The following ADCY8 variants were observed in gnomAD, a reference collection of about 807,000 sequenced individuals.
The protein encoded by ADCY8 is adenylate cyclase 8, also known as adenylate cyclase type 8.
Under a neutral mutation model 119.7 loss-of-function variants are expected in ADCY8, and 51 were observed. The observed-to-expected ratio is 0.43, with a 90% CI of 0.34 to 0.54. The LOEUF (loss-of-function observed/expected upper bound fraction) is 0.54. Among genes scored for constraint, ADCY8 ranks in the 20% least tolerant of loss-of-function variants. ADCY8 has a pLI of 0.03. For missense variants in ADCY8, 1,383 were observed against 1,598.8 expected, an observed-to-expected ratio of 0.87 and a Z score of 2.30; for synonymous variants, 665 against 651.0, an observed-to-expected ratio of 1.02 and a Z score of -0.33.
At chr8:130,942,622 T>A (rs1009437194) in intron 4 of ADCY8, among the ~76,000 whole-genome samples, 1 of 152,138 alleles carries the variant, frequency 6.6e-6, no homozygotes. Flanking sequence ...CTCCCACCGA[T>A]GTGGTCTTAT....
intron 9 of ADCY8, among the ~76,000 whole-genome samples, chr8:130,855,765 G>A (rs994283813): frequency 2.7e-4 from 41 of 151,948 alleles, no homozygotes; most frequent in Admixed American, 2.6e-3. Flanking sequence ...TCAACTCTCT[G>A]CCCTAAATAT....
At chr8:130,921,668 G>A (rs1586573192) in intron 5 of ADCY8, among the ~76,000 whole-genome samples, 1 of 151,874 alleles carries the variant, frequency 6.6e-6, no homozygotes, top group Admixed American at 6.6e-5. Flanking sequence ...GGTCAGACTG[G>A]TCTCGAACTC....
intron 1 of ADCY8, among the ~76,000 whole-genome samples, chr8:130,993,384 C>A (rs1822663510): frequency 6.6e-6 from 1 of 152,090 alleles, no homozygotes; most frequent in Non-Finnish European, 1.5e-5. Context: ...CAATTTTCAG[C>A]AGTTTATATA....
At chr8:130,800,224 T>C (rs572504158) in intron 15 of ADCY8, among the ~76,000 whole-genome samples, 2 of 151,520 alleles carry the variant, frequency 1.3e-5, no homozygotes, top group Non-Finnish European at 1.5e-5. Flanking sequence ...ATATTCCTGA[T>C]CCCCCAAATA....
Position 131,039,881 on chromosome 8 carries a change from C to T in ADCY8, c.453G>A (p.Gly151=). ...FFLNGGYSYR[G]VIFPTLRNSF... is the part of the protein sequence containing the mutation. ...AGTTGCGCAGGGTGGGGAAAATGAC[C>T]CCTCGGTAGCTATAGCCCCCATTAA... Residue 151 remains glycine (G), a synonymous_variant, in exon 1 of 18, where the codon GGG becomes GGA. Coordinates refer to ENST00000286355, the MANE Select transcript of ADCY8 (RefSeq NM_001115.3). 1 of 1,613,988 alleles carries T rather than the reference C, an allele frequency of 6.2e-7. No homozygotes were observed.
intron 12 of ADCY8, among the ~76,000 whole-genome samples, chr8:130,831,150 AAATCTT>A (rs1244926778): frequency 1.3e-5 from 2 of 152,198 alleles, no homozygotes; most frequent in Admixed American, 6.5e-5. Context: ...TAATGAGAAA[AAATCTT>A]AAGGGTTGTG....
intron 2 of ADCY8, among the ~76,000 whole-genome samples, chr8:130,954,314 G>A (rs1393878683): frequency 6.6e-6 from 1 of 151,962 alleles, no homozygotes; most frequent in Non-Finnish European, 1.5e-5. Flanking sequence ...GAAGAAATGG[G>A]AACTGAAGAG....
chr8:130,923,441 G>A (rs983707410), intron 5 of ADCY8, among the ~76,000 whole-genome samples: 3 of 152,198 alleles, frequency 2.0e-5, no homozygotes. Context: ...CAAGGATTAA[G>A]ACCTTTACTC....
intron 3 of ADCY8, among the ~76,000 whole-genome samples, chr8:130,950,428 C>T (rs957672066): frequency 1.4e-4 from 21 of 151,532 alleles, no homozygotes; most frequent in African/African-American, 4.1e-4. Context: ...CAGTGGTGGC[C>T]GTGTCAGGGT....
At chr8:130,895,642 G>C (rs1819360675) in intron 7 of ADCY8, among the ~76,000 whole-genome samples, 1 of 152,110 alleles carries the variant, frequency 6.6e-6, no homozygotes, top group Non-Finnish European at 1.5e-5. Flanking sequence ...ACAGCCTGGG[G>C]AGTTTTATTG....
chr8:130,881,843 T>A (rs1317171243), intron 8 of ADCY8, among the ~76,000 whole-genome samples: 1 of 138,580 alleles, frequency 7.2e-6, no homozygotes, highest in Non-Finnish European at 1.6e-5. Context: ...TTAAATTCTC[T>A]GATAATTTTT....
chr8:130,802,297 C>T (rs998553104), intron 14 of ADCY8, among the ~76,000 whole-genome samples: 2 of 152,196 alleles, frequency 1.3e-5, no homozygotes, highest in African/African-American at 4.8e-5. Flanking sequence ...TCAAGTTCTG[C>T]TGGGCTTGTT....
intron 12 of ADCY8, among the ~76,000 whole-genome samples, chr8:130,830,288 T>C (rs993238996): frequency 6.6e-6 from 1 of 152,122 alleles, no homozygotes; most frequent in African/African-American, 2.4e-5. Context: ...TTCCCTTCTC[T>C]TTGTCAGCCA....
intron 9 of ADCY8, among the ~76,000 whole-genome samples, chr8:130,866,784 C>A (rs1412611714): frequency 6.6e-6 from 1 of 152,156 alleles, no homozygotes; most frequent in Non-Finnish European, 1.5e-5. Flanking sequence ...GATAAATCCT[C>A]ATCTACGAAT....
intron 1 of ADCY8, among the ~76,000 whole-genome samples, chr8:131,016,785 G>A (rs1297714596): frequency 2.6e-5 from 4 of 152,072 alleles, no homozygotes; most frequent in South Asian, 2.1e-4. Flanking sequence ...ACACTGGCTC[G>A]ACCCGGCATG....
chr8:130,886,118 C>A (rs1818972717), intron 7 of ADCY8, among the ~76,000 whole-genome samples: 1 of 152,040 alleles, frequency 6.6e-6, no homozygotes, highest in Admixed American at 6.6e-5. Context: ...TCATTTTAAC[C>A]TTCATGAAGG....
intron 14 of ADCY8, among the ~76,000 whole-genome samples, chr8:130,805,554 G>A (rs1398833287): frequency 6.6e-6 from 1 of 152,156 alleles, no homozygotes; most frequent in South Asian, 2.1e-4. Flanking sequence ...AGTGGGAATA[G>A]GGTGGGCTGG....
chr8:130,932,502 G>C (rs971983210), intron 5 of ADCY8, among the ~76,000 whole-genome samples: 3 of 152,154 alleles, frequency 2.0e-5, no homozygotes, highest in African/African-American at 7.2e-5. Flanking sequence ...TCCCCAAATG[G>C]ATGGTATATT....
chr8:130,937,131 G>A lies in ADCY8; in HGVS notation c.1423C>T (p.Arg475Cys), dbSNP rs905311464. 13 of 1,613,710 alleles carry A rather than the reference G, an allele frequency of 8.1e-6. No homozygotes were observed. The highest frequency in any genetic ancestry group is 3.3e-5 in the Admixed American group (2 of 59,952). ...ACACAGCAGTGGGCATGGTCCTGGCGGGGCTCAGGAAGTCCAGACACGCAG... is the reference window on the plus strand; with the variant it reads ...ACACAGCAGTGGGCATGGTCCTGGCAGGGCTCAGGAAGTCCAGACACGCAG... Reference protein sequence around the residue: ...YYCVSGLPEPRQDHAHCCVEM... With the variant: ...YYCVSGLPEPCQDHAHCCVEM... Residue 475 changes from arginine (R) to cysteine (C), a missense_variant, in exon 5 of 18, where the codon CGC (arginine) becomes TGC (cysteine). Arg to Cys is a radical substitution (Grantham distance 180, BLOSUM62 -3). Around this residue, in one of 2 missense-constraint regions of ADCY8, gnomAD observed 928 missense variants for 1,163.5 expected, o/e 0.80. Transcript: ENST00000286355.
Sources: gnomAD v4.1 joint callset for allele counts (sites outside exome capture counted in the v4.1 genomes callset) on GRCh38, gnomAD v4.1.1 for gene constraint, gnomAD v4.1.1 regional missense constraint, MANE v1.5 for transcripts, NCBI Gene and HGNC (gene_info 2026-07-23, HGNC 2026-07-21) for gene names.